Variants in EIF2B3 observed in about 807,000 individuals in gnomAD.
EIF2B3 encodes the protein translation initiation factor eIF2B subunit gamma.
EIF2B3 carries 20 observed loss-of-function variants against 54.1 expected under a neutral mutation model. The observed-to-expected ratio is 0.37, with a 90% confidence interval of 0.26 to 0.54. The LOEUF (loss-of-function observed/expected upper bound fraction) is 0.54, where lower values mean the gene tolerates loss of function less well. Among genes scored for constraint, EIF2B3 ranks in the 20% least tolerant of loss-of-function variants. EIF2B3 has a pLI of 0.86. For synonymous variants in EIF2B3, 153 were observed against 188.1 expected, an observed-to-expected ratio of 0.81 and a Z score of 1.52; for missense variants, 448 against 547.8, an observed-to-expected ratio of 0.82 and a Z score of 1.82.
rs1460322942 is a variant in EIF2B3, at chr1:44,941,793, C to G, written c.295-128G>C. The stretch of plus-strand genomic sequence containing the variant: ...AATACTCTTCAAGCATTTTTCATAG[C>G]CAAACAAGTAAAATAAATGGGGTTG... On this transcript the variant is annotated intron_variant, in intron 3 of 11. Coordinates refer to ENST00000360403, the MANE Select transcript of EIF2B3 (RefSeq NM_020365.5). 8.2e-6 allele frequency: 9 copies of G among 1,097,710 alleles called. No homozygotes were observed. The African/African-American group carries it at 1.4e-4, about 17-fold the overall frequency. 68.0% of individuals were successfully genotyped at this position (1,097,710 alleles called of 1,614,324 possible).
chr1:44,935,286 T>C, intron 4 of EIF2B3, among the ~76,000 whole-genome samples: 1 of 152,168 alleles, frequency 6.6e-6, no homozygotes, highest in East Asian at 1.9e-4. Context: ...CTAATAAACA[T>C]ATTATCTGCA....
At chr1:44,970,299 T>C (rs1644386999) in intron 3 of EIF2B3, among the ~76,000 whole-genome samples, 1 of 152,168 alleles carries the variant, frequency 6.6e-6, no homozygotes, top group South Asian at 2.1e-4. Context: ...AAGTTAAAAA[T>C]TGTTTTAACA....
chr1:44,919,174 TC>T lies in EIF2B3; in HGVS notation c.566+7453del, dbSNP rs1409967308. On this transcript the variant is annotated intron_variant, in intron 5 of 11. Coordinates refer to ENST00000360403, the MANE Select transcript of EIF2B3 (RefSeq NM_020365.5). ...ACCAGCCTGGCCAACATGGTGAAAC[TC>T]CATCTCTATTAAAAATACAAAAAAA... Among the ~76,000 whole-genome samples the T allele has an allele frequency of 2.0e-5, 3 of 152,076 alleles. No homozygotes were observed. In the East Asian group the frequency reaches 5.8e-4, roughly 29 times the overall value.
intron 3 of EIF2B3, among the ~76,000 whole-genome samples, chr1:44,953,867 A>C (rs1644195130): frequency 6.6e-6 from 1 of 152,198 alleles, no homozygotes; most frequent in Non-Finnish European, 1.5e-5. Flanking sequence ...AAATGAGCAT[A>C]ATTCACTCAT....
chr1:44,873,558 CAAA>C (rs1217553670), intron 10 of EIF2B3, among the ~76,000 whole-genome samples: 1 of 152,154 alleles, frequency 6.6e-6, no homozygotes, highest in East Asian at 1.9e-4. Context: ...TGATCCATAG[CAAA>C]CTATGGTCTT....
At chr1:44,863,690 G>A (rs577848407) in intron 10 of EIF2B3, among the ~76,000 whole-genome samples, 29 of 152,020 alleles carry the variant, frequency 1.9e-4, no homozygotes, top group African/African-American at 7.0e-4. Flanking sequence ...CTTCCACCAG[G>A]GTATCCATTA....
At chr1:44,874,867 A>G (rs1291686012) in intron 9 of EIF2B3, 41 bp from the exon 10 acceptor site, 1 of 1,613,360 alleles carries the variant, frequency 6.2e-7, no homozygotes, top group African/African-American at 1.3e-5. Context: ...ACCCATCTCA[A>G]CCAACTGCAA....
At position 44,912,953 on chromosome 1, in the gene EIF2B3, T is replaced by C. The variant is rs183455766; in HGVS notation, c.566+13675A>G. On this transcript the variant is annotated intron_variant, in intron 5 of 11. Coordinates refer to ENST00000360403, the MANE Select transcript of EIF2B3 (RefSeq NM_020365.5). Reference sequence around the variant, plus strand: ...TCCTCATGAATAAGGACTAGTTCTGTCCCTAACTAGATACATTGAACAAAA... The same window carrying C: ...TCCTCATGAATAAGGACTAGTTCTGCCCCTAACTAGATACATTGAACAAAA... 4.1e-3 allele frequency among the ~76,000 whole-genome samples: 618 copies of C among 152,208 alleles called. 5 individuals carry two copies. The highest frequency in any genetic ancestry group is 0.014 in the African/African-American group (588 of 41,534).
chr1:44,919,349 CAA>C (rs35094486), intron 5 of EIF2B3, among the ~76,000 whole-genome samples: 44 of 126,274 alleles, frequency 3.5e-4, no homozygotes, highest in Admixed American at 7.3e-4. Flanking sequence ...GACTCCCTCT[CAA>C]AAAAAAAAAA....
chr1:44,878,364 G>A (rs1198122611), intron 8 of EIF2B3, among the ~76,000 whole-genome samples: 1 of 152,126 alleles, frequency 6.6e-6, no homozygotes, highest in Admixed American at 6.5e-5. Flanking sequence ...TCAGGTTCAA[G>A]CAATTCTCCT....
intron 4 of EIF2B3, among the ~76,000 whole-genome samples, chr1:44,929,336 C>A (rs1233193128): frequency 6.6e-6 from 1 of 152,130 alleles, no homozygotes; most frequent in South Asian, 2.1e-4. Context: ...ATACCTATAA[C>A]CAAATATATG....
chr1:44,904,966 A>C (rs1643386677), intron 5 of EIF2B3, among the ~76,000 whole-genome samples: 1 of 152,188 alleles, frequency 6.6e-6, no homozygotes, highest in Non-Finnish European at 1.5e-5. Context: ...AGAACTAGGG[A>C]AAAGGGAATG....
chr1:44,881,778 G>A lies in EIF2B3; in HGVS notation c.657-39C>T. ...ATGGCCAAATATGAGAAACCTGACTGTCTGGAACATACCCGGATCAAAAGC... is the reference window on the plus strand; with the variant it reads ...ATGGCCAAATATGAGAAACCTGACTATCTGGAACATACCCGGATCAAAAGC... On this transcript the variant is annotated intron_variant, in intron 6 of 11. Coordinates refer to ENST00000360403, the MANE Select transcript of EIF2B3 (RefSeq NM_020365.5). The surrounding 1 kb of genome is among the most constrained non-coding windows in gnomAD (Gnocchi z 4.0). 6.2e-7 allele frequency: 1 copy of A among 1,611,890 alleles called. No homozygotes were observed. The highest frequency in any genetic ancestry group is 1.3e-5 in the African/African-American group (1 of 75,022).
At chr1:44,891,930 C>A (rs1655811490) in intron 6 of EIF2B3, among the ~76,000 whole-genome samples, 2 of 152,066 alleles carry the variant, frequency 1.3e-5, no homozygotes, top group Non-Finnish European at 2.9e-5. Context: ...GTAGAGATGG[C>A]ATCTTGCTAT....
intron 1 of EIF2B3, among the ~76,000 whole-genome samples, chr1:44,982,491 T>G (rs1044322204): frequency 4.6e-5 from 7 of 151,920 alleles, no homozygotes; most frequent in Non-Finnish European, 7.4e-5. Context: ...AGAGATGGGG[T>G]TTCACCATGT....
intron 5 of EIF2B3, among the ~76,000 whole-genome samples, chr1:44,922,836 A>ATTTTTTTTTGTTTTTTTTTTTTTTTTTT (rs1643777030): frequency 1.8e-5 from 1 of 56,642 alleles, no homozygotes; most frequent in Non-Finnish European, 3.2e-5. Flanking sequence ...TCTTTTTCAG[A>ATTTTTTTTTGTTTTTTTTTTTTTTTTTT]TTTTTTTTTT....
chr1:44,878,586 C>A (rs1008912301), intron 8 of EIF2B3, among the ~76,000 whole-genome samples: 2 of 152,076 alleles, frequency 1.3e-5, no homozygotes, highest in Middle Eastern at 3.4e-3. Context: ...TCAACAATTT[C>A]TTTTATATTA....
chr1:44,963,626 C>A (rs1052523354), intron 3 of EIF2B3, among the ~76,000 whole-genome samples: 2 of 152,178 alleles, frequency 1.3e-5, no homozygotes, highest in African/African-American at 4.8e-5. Context: ...TAAGTAGCTA[C>A]AGGCTACTTC....
At chr1:44,851,950 T>TC (rs886895782) in intron 11 of EIF2B3, among the ~76,000 whole-genome samples, 16 of 138,486 alleles carry the variant, frequency 1.2e-4, no homozygotes, top group African/African-American at 4.3e-4. Context: ...ACTGTTTTAA[T>TC]CCCTTTTTTT....
Sources: gnomAD v4.1 joint callset for allele counts (sites outside exome capture counted in the v4.1 genomes callset) on GRCh38, gnomAD v4.1.1 for gene constraint, Gnocchi (gnomAD v3.1) non-coding constraint, MANE v1.5 for transcripts, NCBI Gene and HGNC (gene_info 2026-07-23, HGNC 2026-07-21) for gene names.